Variants in DYNC1I1 observed in about 807,000 individuals in gnomAD.
The protein encoded by DYNC1I1 is dynein cytoplasmic 1 intermediate chain 1.
In DYNC1I1, 43 loss-of-function variants were observed where a neutral mutation model predicts 86.6. The ratio of observed to expected loss-of-function variants is 0.50; its 90% confidence interval spans 0.39 to 0.64. The LOEUF is 0.64. DYNC1I1 is among the 30% of genes least tolerant of loss of function. The pLI, the probability that DYNC1I1 is intolerant of heterozygous loss-of-function variation, is 0.00. For missense variants in DYNC1I1, 604 were observed against 788.8 expected, an observed-to-expected ratio of 0.77 and a Z score of 2.81; for synonymous variants, 262 against 283.7, an observed-to-expected ratio of 0.92 and a Z score of 0.77.
chr7:95,987,839 A>T (rs1187416012), intron 9 of DYNC1I1, among the ~76,000 whole-genome samples: 1 of 152,182 alleles, frequency 6.6e-6, no homozygotes, highest in South Asian at 2.1e-4. Flanking sequence ...TTTACCTGTT[A>T]TATGATCTGT....
chr7:95,914,450 CT>C (rs539510274), intron 6 of DYNC1I1, among the ~76,000 whole-genome samples: 1 of 152,210 alleles, frequency 6.6e-6, no homozygotes, highest in African/African-American at 2.4e-5. Context: ...TCAGTCATGT[CT>C]TTTTTTGATG....
intron 6 of DYNC1I1, among the ~76,000 whole-genome samples, chr7:95,907,055 C>T (rs1280957896): frequency 6.6e-6 from 1 of 152,184 alleles, no homozygotes; most frequent in Non-Finnish European, 1.5e-5. Flanking sequence ...CTTAAGCTCT[C>T]CAAGCAGCTG....
chr7:95,847,864 A>G (rs942439806), intron 5 of DYNC1I1, among the ~76,000 whole-genome samples: 5 of 152,184 alleles, frequency 3.3e-5, no homozygotes, highest in African/African-American at 4.8e-5. Context: ...TCTATTCTCT[A>G]TGAAATTCTA....
chr7:96,031,059 T>TA lies in DYNC1I1; in HGVS notation c.1117-1607dup, dbSNP rs1339599298. On this transcript the variant is annotated intron_variant, in intron 11 of 16. Coordinates refer to ENST00000447467, the MANE Select transcript of DYNC1I1 (RefSeq NM_001135556.2). Reference sequence around the variant, plus strand: ...CCATCAGCACGGGGGAAAGAGGTGATATAATTGTCAAAAAAGCAGATGTAA... The same window carrying TA: ...CCATCAGCACGGGGGAAAGAGGTGATAATAATTGTCAAAAAAGCAGATGTAA... 2.0e-5 allele frequency among the ~76,000 whole-genome samples: 3 copies of TA among 152,226 alleles called. No individual in the cohort carries two copies. In the East Asian group the frequency reaches 5.8e-4, roughly 29 times the overall value.
chr7:95,839,065 C>G (rs981206976), intron 5 of DYNC1I1, among the ~76,000 whole-genome samples: 16 of 152,034 alleles, frequency 1.1e-4, no homozygotes, highest in Middle Eastern at 3.2e-3. Context: ...GAGTCTTGCT[C>G]TATCACCCAG....
intron 16 of DYNC1I1, among the ~76,000 whole-genome samples, chr7:96,088,690 T>G (rs1007658743): frequency 6.6e-6 from 1 of 152,144 alleles, no homozygotes; most frequent in Non-Finnish European, 1.5e-5. Context: ...TTCTTACATG[T>G]GTATGTGTGC....
At chr7:96,030,326 A>G (rs1794777328) in intron 11 of DYNC1I1, among the ~76,000 whole-genome samples, 1 of 140,340 alleles carries the variant, frequency 7.1e-6, no homozygotes, top group South Asian at 2.3e-4. Flanking sequence ...CCTTAATGGT[A>G]GAGTTGTGTG....
intron 7 of DYNC1I1, among the ~76,000 whole-genome samples, chr7:95,982,885 G>A (rs1793491044): frequency 6.6e-6 from 1 of 152,074 alleles, no homozygotes; most frequent in Admixed American, 6.6e-5. Flanking sequence ...TAATTCAAAT[G>A]TCTCATTTAC....
intron 5 of DYNC1I1, among the ~76,000 whole-genome samples, chr7:95,832,249 G>A (rs1349133930): frequency 7.3e-6 from 1 of 137,852 alleles, no homozygotes; most frequent in African/African-American, 2.9e-5. Context: ...ATAGTTTACT[G>A]AGAATGATGA....
At chr7:95,788,841 T>G (rs994342868) in intron 1 of DYNC1I1, among the ~76,000 whole-genome samples, 4 of 152,228 alleles carry the variant, frequency 2.6e-5, no homozygotes, top group African/African-American at 7.2e-5. Context: ...TGGGGCAACC[T>G]GACAGGTAGA....
chr7:95,921,729 C>T (rs1791615990), intron 6 of DYNC1I1, among the ~76,000 whole-genome samples: 1 of 152,196 alleles, frequency 6.6e-6, no homozygotes, highest in Non-Finnish European at 1.5e-5. Flanking sequence ...TCACACAACT[C>T]ATGATGAATA....
chr7:95,896,622 C>G (rs368281996), intron 6 of DYNC1I1, among the ~76,000 whole-genome samples: 1 of 152,152 alleles, frequency 6.6e-6, no homozygotes, highest in African/African-American at 2.4e-5. Flanking sequence ...ACTCAGAATC[C>G]CATACTCTTT....
intron 6 of DYNC1I1, among the ~76,000 whole-genome samples, chr7:95,923,100 T>TC (rs1269128160): frequency 6.6e-6 from 1 of 152,112 alleles, no homozygotes; most frequent in Non-Finnish European, 1.5e-5. Flanking sequence ...CACAGGGGAT[T>TC]GTTCTGAGGC....
At chr7:96,004,416 TC>T (rs374413232) in intron 10 of DYNC1I1, among the ~76,000 whole-genome samples, 7 of 152,202 alleles carry the variant, frequency 4.6e-5, no homozygotes, top group African/African-American at 1.7e-4. Context: ...TATGTTTTTT[TC>T]CTTTTGAGTT....
intron 5 of DYNC1I1, among the ~76,000 whole-genome samples, chr7:95,855,597 G>A (rs1789697845): frequency 6.6e-6 from 1 of 152,190 alleles, no homozygotes; most frequent in Admixed American, 6.5e-5. Flanking sequence ...ATCATAGAAT[G>A]TACTTACACA....
chr7:95,911,904 C>A (rs1430381743), intron 6 of DYNC1I1, among the ~76,000 whole-genome samples: 3 of 152,210 alleles, frequency 2.0e-5, no homozygotes, highest in Non-Finnish European at 4.4e-5. Context: ...TACAGATTAT[C>A]TGTAAGAAGA....
chr7:96,052,921 C>T (rs976434132), intron 14 of DYNC1I1, among the ~76,000 whole-genome samples: 2 of 152,152 alleles, frequency 1.3e-5, no homozygotes, highest in Non-Finnish European at 2.9e-5. Flanking sequence ...GACATCTTAC[C>T]TTCTCCTCAG....
At chr7:95,871,478 C>T (rs943492066) in intron 6 of DYNC1I1, among the ~76,000 whole-genome samples, 2 of 152,210 alleles carry the variant, frequency 1.3e-5, no homozygotes, top group Admixed American at 6.5e-5. Context: ...CACCACCCAA[C>T]CAAAACATTT....
chr7:96,108,645 C>T (rs923574572), intron 16 of DYNC1I1, among the ~76,000 whole-genome samples: 7 of 151,828 alleles, frequency 4.6e-5, no homozygotes, highest in African/African-American at 1.5e-4. Flanking sequence ...GGGTGGATCA[C>T]GAGGTCAGGA....
Sources: gnomAD v4.1 joint callset for allele counts (sites outside exome capture counted in the v4.1 genomes callset) on GRCh38, gnomAD v4.1.1 for gene constraint, MANE v1.5 for transcripts, NCBI Gene and HGNC (gene_info 2026-07-23, HGNC 2026-07-21) for gene names.